CUBN: variants seen among roughly 807,000 people sequenced by gnomAD.
CUBN encodes cubilin.
CUBN carries 282 observed loss-of-function variants against 405.3 expected under a neutral mutation model. That is an observed-to-expected ratio of 0.70 (90% CI 0.63 to 0.77). The LOEUF is 0.77. Among genes scored for constraint, CUBN ranks in the 30% least tolerant of loss-of-function variants. CUBN has a pLI of 0.00. For missense variants in CUBN, 4,514 were observed against 4,475.2 expected, an observed-to-expected ratio of 1.01 and a Z score of -0.25; for synonymous variants, 1,684 against 1,617.0, an observed-to-expected ratio of 1.04 and a Z score of -0.99.
At chr10:16,925,548 G>A in intron 42 of CUBN, 36 bp downstream of exon 42, 2 of 1,612,980 alleles carry the variant, frequency 1.2e-6, no homozygotes, top group Non-Finnish European at 1.7e-6. Context: ...GAAGTCTATG[G>A]AAAATGTAAT....
intron 10 of CUBN, among the ~76,000 whole-genome samples, chr10:17,108,379 ATATGTG>A (rs1162232639): frequency 4.5e-5 from 2 of 44,832 alleles, no homozygotes; most frequent in Non-Finnish European, 6.4e-5. Context: ...AGTCACAAGT[ATATGTG>A]TGTGTGTGTG....
At chr10:16,848,487 G>A (rs1159030411) in intron 60 of CUBN, among the ~76,000 whole-genome samples, 9 of 152,200 alleles carry the variant, frequency 5.9e-5, no homozygotes. Context: ...TTCACAGTAG[G>A]TACTATTATG....
intron 6 of CUBN, chr10:17,122,189 G>A (rs1397555106): frequency 6.4e-6 from 1 of 156,998 alleles, no homozygotes; most frequent in Non-Finnish European, 1.4e-5. Context: ...TGATGCCTGA[G>A]CTGAGCAGGA....
intron 22 of CUBN, among the ~76,000 whole-genome samples, chr10:17,052,745 C>G (rs1311219846): frequency 1.0e-5 from 1 of 99,304 alleles, no homozygotes; most frequent in African/African-American, 3.9e-5. Context: ...GGGCAACAGA[C>G]TGAGACTCAG....
At chr10:17,118,323 G>C (rs1050728110) in intron 6 of CUBN, among the ~76,000 whole-genome samples, 1 of 152,194 alleles carries the variant, frequency 6.6e-6, no homozygotes, top group African/African-American at 2.4e-5. Context: ...ATTGGCAGAA[G>C]ATAAATAGAC....
intron 59 of CUBN, among the ~76,000 whole-genome samples, chr10:16,856,238 C>G (rs980616496): frequency 3.3e-5 from 5 of 152,138 alleles, no homozygotes; most frequent in Non-Finnish European, 5.9e-5. Context: ...TTTGGGGCCA[C>G]CTAGACAGCT....
intron 31 of CUBN, among the ~76,000 whole-genome samples, chr10:16,971,669 TACA>T (rs1175347181): frequency 6.6e-6 from 1 of 152,092 alleles, no homozygotes; most frequent in African/African-American, 2.4e-5. Flanking sequence ...TTCTAAAAAG[TACA>T]ACATTCATAG....
chr10:16,983,274 G>C (rs1833329899), intron 30 of CUBN, among the ~76,000 whole-genome samples: 1 of 151,254 alleles, frequency 6.6e-6, no homozygotes, highest in South Asian at 2.1e-4. Flanking sequence ...GTGTGTGTCT[G>C]TGTGTGTGTG....
At chr10:16,857,099 T>A (rs528115281) in intron 59 of CUBN, among the ~76,000 whole-genome samples, 1 of 152,346 alleles carries the variant, frequency 6.6e-6, no homozygotes, top group South Asian at 2.1e-4. Context: ...GTAAACAGTG[T>A]TTATTATTTT....
rs544590895 is a variant in CUBN, at chr10:16,959,367, C to T, written c.4696-4819G>A. Among the ~76,000 whole-genome samples, 16 of 152,202 alleles carry T rather than the reference C, an allele frequency of 1.1e-4. No homozygotes were observed. The East Asian group carries it at 2.1e-3, about 20-fold the overall frequency. On this transcript the variant is annotated intron_variant, in intron 31 of 66. Coordinates refer to ENST00000377833, the MANE Select transcript of CUBN (RefSeq NM_001081.4). ...TTCTCAGGCTTCGTGTGGTGGTTCA[C>T]GCCTGTAATCCCAGACTTTGGGAAG...
At chr10:17,014,797 C>G (rs1472816915) in intron 28 of CUBN, among the ~76,000 whole-genome samples, 1 of 152,310 alleles carries the variant, frequency 6.6e-6, no homozygotes, top group South Asian at 2.1e-4. Context: ...CCTGAGCAAA[C>G]AGATGAAGGC....
chr10:17,072,333 A>G (rs998308883), intron 17 of CUBN, among the ~76,000 whole-genome samples: 11 of 152,232 alleles, frequency 7.2e-5, no homozygotes, highest in African/African-American at 2.7e-4. Flanking sequence ...CTGCAATCAA[A>G]GAAAGTTATG....
chr10:16,896,523 C>T (rs775384917), intron 54 of CUBN, among the ~76,000 whole-genome samples: 3 of 152,184 alleles, frequency 2.0e-5, no homozygotes, highest in Non-Finnish European at 2.9e-5. Flanking sequence ...GATGAGAAAT[C>T]TGCTTTTATT....
intron 22 of CUBN, among the ~76,000 whole-genome samples, chr10:17,062,789 C>T (rs890640259): frequency 1.3e-5 from 2 of 152,206 alleles, no homozygotes; most frequent in Non-Finnish European, 2.9e-5. Context: ...CAAACTCACA[C>T]CTGTTGGGCT....
chr10:16,984,163 C>A lies in CUBN; in HGVS notation c.4467G>T (p.Lys1489Asn). ...STGNELAIRFKTDLSINGRGF... is the reference protein window; with the variant it reads ...STGNELAIRFNTDLSINGRGF... ...CTCTCCCATTTATGGACAAGTCGGTCTTGAATCGAATTGCTAGCTCATTTC... is the reference window on the plus strand; with the variant it reads ...CTCTCCCATTTATGGACAAGTCGGTATTGAATCGAATTGCTAGCTCATTTC... The change falls in exon 30 of 67, where the codon AAG becomes AAT. Residue 1489 changes from lysine (K) to asparagine (N), a missense_variant. Around this residue, in one of 5 missense-constraint regions of CUBN, gnomAD observed 1,613 missense variants for 1,542.8 expected, o/e 1.05. Transcript: ENST00000377833. 6.2e-7 allele frequency: 1 copy of A among 1,614,126 alleles called. No individual in the cohort carries two copies. Among genetic ancestry groups the A allele is most frequent in the Non-Finnish European group, 8.5e-7 (1 of 1,180,036 alleles).
rs938741873 is a variant in CUBN at position 16,938,850 on chromosome 10, A to G, written c.5733+113T>C. ...GCAGTCTGCTCTAAACATGATTTAGAGCAGACTATCCCACATGATTTGCAA... is the reference window on the plus strand; with the variant it reads ...GCAGTCTGCTCTAAACATGATTTAGGGCAGACTATCCCACATGATTTGCAA... On this transcript the variant is annotated intron_variant, in intron 38 of 66. Transcript: ENST00000377833. The G allele has an allele frequency of 5.5e-5, 50 of 914,468 alleles. 1 individual carries two copies. The highest frequency in any genetic ancestry group is 8.5e-5 in the Non-Finnish European group (48 of 564,774). 56.6% of individuals were successfully genotyped at this position (914,468 alleles called of 1,614,324 possible).
intron 26 of CUBN, among the ~76,000 whole-genome samples, chr10:17,041,758 A>G (rs12776170): frequency 0.21 from 31,830 of 152,090 alleles, 3,694 homozygotes; most frequent in Middle Eastern, 0.36. Flanking sequence ...GAAATTCACA[A>G]TAAAGGCTCC....
At chr10:16,929,581 A>T (rs1842308764) in intron 40 of CUBN, among the ~76,000 whole-genome samples, 1 of 152,180 alleles carries the variant, frequency 6.6e-6, no homozygotes, top group Admixed American at 6.5e-5. Context: ...TATTCTTGTG[A>T]TTACAAATGT....
intron 54 of CUBN, among the ~76,000 whole-genome samples, chr10:16,892,025 C>G (rs1399287798): frequency 3.3e-5 from 5 of 152,168 alleles, no homozygotes; most frequent in Non-Finnish European, 4.4e-5. Flanking sequence ...ATTCCAAACA[C>G]ATCTCTTCTC....
Sources: allele counts gnomAD v4.1 joint callset (sites outside exome capture counted in the v4.1 genomes callset), GRCh38; gene constraint gnomAD v4.1.1; regional missense constraint gnomAD v4.1.1; transcripts MANE v1.5; gene names NCBI Gene and HGNC (gene_info 2026-07-23, HGNC 2026-07-21).